The following VPS13A variants were observed in gnomAD, a reference collection of about 807,000 sequenced individuals.
The protein encoded by VPS13A is intermembrane lipid transfer protein VPS13A.
In VPS13A, 264 loss-of-function variants were observed where a neutral mutation model predicts 390.9. The observed-to-expected ratio is 0.68, with a 90% CI of 0.61 to 0.75. The LOEUF (loss-of-function observed/expected upper bound fraction) is 0.75, where lower values mean the gene tolerates loss of function less well. Ranked by LOEUF, VPS13A falls within the 30% of genes least tolerant of loss-of-function variation. The pLI is 0.00. For synonymous variants in VPS13A, 1,231 were observed against 1,227.1 expected (o/e 1.00, Z -0.07); for missense variants, 3,409 against 3,733.9 (o/e 0.91, Z 2.27).
intron 33 of VPS13A, among the ~76,000 whole-genome samples, chr9:77,297,946 A>T: frequency 6.6e-6 from 1 of 152,200 alleles, no homozygotes; most frequent in Non-Finnish European, 1.5e-5. Flanking sequence ...GTCTAAGGTA[A>T]GGGAGTGAAG....
At chr9:77,247,012 T>C (rs1824856075) in intron 19 of VPS13A, among the ~76,000 whole-genome samples, 1 of 152,066 alleles carries the variant, frequency 6.6e-6, no homozygotes, top group Admixed American at 6.6e-5. Context: ...TTTACCCAAA[T>C]TGAGTTTATA....
chr9:77,306,394 G>T (rs1828742131), intron 34 of VPS13A, among the ~76,000 whole-genome samples: 1 of 140,900 alleles, frequency 7.1e-6, no homozygotes, highest in Non-Finnish European at 1.5e-5. Context: ...CAGAGAGAGA[G>T]AGAGAGAGTG....
At chr9:77,232,775 C>T (rs1409001860) in intron 17 of VPS13A, among the ~76,000 whole-genome samples, 1 of 152,132 alleles carries the variant, frequency 6.6e-6, no homozygotes, top group African/African-American at 2.4e-5. Flanking sequence ...ACTGGAAAAA[C>T]CTACCCTCTT....
intron 7 of VPS13A, 34 bp from the exon 8 acceptor site, chr9:77,212,935 C>A (rs774215297): frequency 1.9e-6 from 3 of 1,609,008 alleles, no homozygotes; most frequent in Non-Finnish European, 2.6e-6. Flanking sequence ...AATGGAATGA[C>A]CTTTTTACTG....
At chr9:77,299,128 T>C (rs1439343970) in intron 33 of VPS13A, among the ~76,000 whole-genome samples, 1 of 152,226 alleles carries the variant, frequency 6.6e-6, no homozygotes, top group East Asian at 1.9e-4. Flanking sequence ...ATATCCGTTT[T>C]GGTAACAGTA....
chr9:77,289,327 A>G (rs963573523), intron 31 of VPS13A, among the ~76,000 whole-genome samples: 1 of 152,142 alleles, frequency 6.6e-6, no homozygotes, highest in African/African-American at 2.4e-5. Context: ...CTATTTTATA[A>G]AACTAATTAT....
chr9:77,360,137 C>T (rs1030589284), intron 58 of VPS13A, among the ~76,000 whole-genome samples: 9 of 152,114 alleles, frequency 5.9e-5, no homozygotes, highest in Middle Eastern at 3.4e-3. Flanking sequence ...TGTACCTAAA[C>T]ATTATGCCTT....
chr9:77,337,126 A>G, intron 46 of VPS13A, 129 bp from the exon 47 acceptor site: 2 of 1,001,384 alleles, frequency 2.0e-6, no homozygotes, highest in South Asian at 1.7e-5. Flanking sequence ...CGTAAAAAGT[A>G]TATGAAAATA....
At chr9:77,274,760 G>A (rs575176660) in intron 24 of VPS13A, among the ~76,000 whole-genome samples, 5 of 152,170 alleles carry the variant, frequency 3.3e-5, no homozygotes, top group Non-Finnish European at 7.4e-5. Context: ...AAACTGCCAT[G>A]TCGATTCTTG....
chr9:77,208,952 C>T (rs563609066), intron 5 of VPS13A, among the ~76,000 whole-genome samples: 3 of 152,232 alleles, frequency 2.0e-5, no homozygotes, highest in Admixed American at 6.5e-5. Flanking sequence ...CATCCTTGTT[C>T]AAAAGAAGAA....
At chr9:77,412,802 T>G (rs1270646327) in intron 71 of VPS13A, among the ~76,000 whole-genome samples, 1 of 152,172 alleles carries the variant, frequency 6.6e-6, no homozygotes, top group African/African-American at 2.4e-5. Flanking sequence ...AAAGAGAAAG[T>G]CAAATTGTCC....
In VPS13A at chr9:77,318,570, G is replaced by T. The variant is rs141528779; in HGVS notation, c.5292G>T (p.Leu1764=). 1,620 of 1,613,664 alleles carry T rather than the reference G, an allele frequency of 1.0e-3. 3 individuals carry two copies. The highest frequency in any genetic ancestry group is 1.1e-3 in the Non-Finnish European group (1,300 of 1,179,776). Residue 1764 remains leucine, a synonymous_variant, in exon 41 of 72, where the codon CTG becomes CTT. Transcript: ENST00000360280. ...EGKNWSSLIN[L]HCQLELEVHY... ...AAAACTGGAGTTCCCTAATAAATCT[G>T]CACTGTCAGCTTGAGCTAGAAGTAA...
At chr9:77,393,382 G>A (rs1833979430) in intron 68 of VPS13A, among the ~76,000 whole-genome samples, 1 of 152,124 alleles carries the variant, frequency 6.6e-6, no homozygotes, top group South Asian at 2.1e-4. Flanking sequence ...ACAAACTCCT[G>A]TTACTATTGA....
At chr9:77,279,434 C>T (rs1359391683) in intron 26 of VPS13A, among the ~76,000 whole-genome samples, 1 of 152,052 alleles carries the variant, frequency 6.6e-6, no homozygotes, top group Non-Finnish European at 1.5e-5. Context: ...CACTCTTTTC[C>T]TCTGCTCTTC....
chr9:77,266,562 A>T (rs1038805381), intron 23 of VPS13A, among the ~76,000 whole-genome samples: 3 of 151,402 alleles, frequency 2.0e-5, no homozygotes, highest in Admixed American at 2.0e-4. Flanking sequence ...CTTTGTGGGT[A>T]ACCTGACGTT....
intron 19 of VPS13A, among the ~76,000 whole-genome samples, chr9:77,243,188 A>G (rs567956316): frequency 1.2e-4 from 18 of 152,208 alleles, no homozygotes; most frequent in African/African-American, 4.3e-4. Flanking sequence ...CTTGTATTAT[A>G]GGTTGAGTAT....
chr9:77,196,601 T>G (rs1825017631), intron 1 of VPS13A, among the ~76,000 whole-genome samples: 1 of 152,182 alleles, frequency 6.6e-6, no homozygotes, highest in African/African-American at 2.4e-5. Context: ...TGTGCCTGGC[T>G]TATTTCCCTT....
intron 22 of VPS13A, among the ~76,000 whole-genome samples, chr9:77,256,441 G>A (rs1358816813): frequency 6.6e-6 from 1 of 152,016 alleles, no homozygotes. Flanking sequence ...TGTTTCATAT[G>A]CACTTGAGAA....
intron 71 of VPS13A, among the ~76,000 whole-genome samples, chr9:77,412,783 C>CA (rs1369626152): frequency 6.6e-6 from 1 of 152,138 alleles, no homozygotes; most frequent in African/African-American, 2.4e-5. Flanking sequence ...AAAGGGTATT[C>CA]AATTAGGAAA....
Sources: allele counts gnomAD v4.1 joint callset (sites outside exome capture counted in the v4.1 genomes callset), GRCh38; gene constraint gnomAD v4.1.1; transcripts MANE v1.5; gene names NCBI Gene and HGNC (gene_info 2026-07-23, HGNC 2026-07-21).